LRP5: variants seen among roughly 807,000 people sequenced by gnomAD.
LRP5 encodes the protein LDL receptor related protein 5.
Under a neutral mutation model 154.1 loss-of-function variants are expected in LRP5, and 62 were observed. The observed-to-expected ratio is 0.40, with a 90% CI of 0.33 to 0.50. LRP5 has a LOEUF of 0.50. Ranked by LOEUF, LRP5 falls within the 20% of genes least tolerant of loss-of-function variation. The pLI is 0.55. For synonymous variants in LRP5, 966 were observed against 1,011.5 expected, an observed-to-expected ratio of 0.96 and a Z score of 0.85; for missense variants, 1,915 against 2,336.7, an observed-to-expected ratio of 0.82 and a Z score of 3.72.
rs370967755 is a variant in LRP5 at position 68,386,003 on chromosome 11, C to T, written c.1016-313C>T. 2.1e-4 allele frequency among the ~76,000 whole-genome samples: 32 copies of T among 152,240 alleles called. No homozygotes were observed. Among genetic ancestry groups the T allele is most frequent in the African/African-American group, 7.5e-4 (31 of 41,550 alleles). On this transcript the variant is annotated intron_variant, in intron 5 of 22. Transcript: ENST00000294304. The surrounding 1 kb of genome is among the most constrained non-coding windows in gnomAD (Gnocchi z 7.9). ...GCAGGAGACAAGGGGGACTGTGAGG[C>T]AGCTCCCACCCAGCAGCTGAAGCCC...
rs370901051 is a variant in LRP5, at chr11:68,386,610, C to T, written c.1310C>T (p.Thr437Met). The stretch of plus-strand genomic sequence containing the variant: ...AACCTCTACTGGACCGACACGGGCA[C>T]GGACCGCATCGAGGTGACGCGCCTC... ...ARNLYWTDTGTDRIEVTRLNG... is the reference protein window; with the variant it reads ...ARNLYWTDTGMDRIEVTRLNG... The change falls in exon 6 of 23, where the codon ACG (threonine) becomes ATG (methionine). Residue 437 changes from threonine to methionine, a missense_variant. Around this residue, in one of 3 missense-constraint regions of LRP5, gnomAD observed 773 missense variants for 1,100.9 expected, o/e 0.70. Coordinates refer to ENST00000294304, the MANE Select transcript of LRP5 (RefSeq NM_002335.4). The surrounding 1 kb of genome is among the most constrained non-coding windows in gnomAD (Gnocchi z 7.9). 64 of 1,613,688 alleles carry T rather than the reference C, an allele frequency of 4.0e-5. No individual in the cohort carries two copies. Among genetic ancestry groups the T allele is most frequent in the South Asian group, 1.1e-4 (10 of 91,060 alleles).
intron 5 of LRP5, among the ~76,000 whole-genome samples, chr11:68,366,424 A>G (rs1319753739): frequency 6.6e-6 from 1 of 151,986 alleles, no homozygotes; most frequent in Non-Finnish European, 1.5e-5. Flanking sequence ...CGGTGGATGG[A>G]GAAGTGTCCT....
intron 18 of LRP5, 48 bp downstream of exon 18, chr11:68,433,886 C>A: frequency 6.4e-7 from 1 of 1,566,924 alleles, no homozygotes; most frequent in South Asian, 1.1e-5. Context: ...GCCCTGCCCT[C>A]CGGGATACGA....
At chr11:68,415,321 G>A (rs956740853) in intron 12 of LRP5, among the ~76,000 whole-genome samples, 4 of 152,144 alleles carry the variant, frequency 2.6e-5, no homozygotes, top group Non-Finnish European at 5.9e-5. Context: ...CCGGTTTTCC[G>A]CAGTTCACTG....
Position 68,315,799 on chromosome 11 carries a change from C to G in LRP5, c.91+2994C>G, listed in dbSNP as rs576607901. On this transcript the variant is annotated intron_variant, in intron 1 of 22. Transcript: ENST00000294304. Reference sequence around the variant, plus strand: ...CCCTCGGGGTGTCCTGCGAGAGGCCCTTAGAGGCCAGATCATGCTGTGGAG... The same window carrying G: ...CCCTCGGGGTGTCCTGCGAGAGGCCGTTAGAGGCCAGATCATGCTGTGGAG... Among the ~76,000 whole-genome samples the G allele has an allele frequency of 1.1e-4, 17 of 152,332 alleles. No homozygotes were observed. The East Asian group carries it at 3.1e-3, about 28-fold the overall frequency.
chr11:68,372,299 T>A (rs2098634481), intron 5 of LRP5, among the ~76,000 whole-genome samples: 1 of 133,818 alleles, frequency 7.5e-6, no homozygotes, highest in Non-Finnish European at 1.5e-5. Context: ...CCCGGGACTG[T>A]GGTGATGAGG....
chr11:68,425,393 C>G, intron 15 of LRP5, 101 bp downstream of exon 15: 4 of 1,239,796 alleles, frequency 3.2e-6, no homozygotes, highest in Non-Finnish European at 4.5e-6. Context: ...GAGCCCAGTG[C>G]CGCGCCAGGG....
chr11:68,318,577 G>A (rs1247293250), intron 1 of LRP5, among the ~76,000 whole-genome samples: 5 of 151,594 alleles, frequency 3.3e-5, no homozygotes, highest in Non-Finnish European at 7.4e-5. Flanking sequence ...GGGCTCAAGC[G>A]ATCCACCCAC....
chr11:68,383,836 G>A (rs1305580091), intron 5 of LRP5, among the ~76,000 whole-genome samples: 7 of 152,182 alleles, frequency 4.6e-5, no homozygotes, highest in South Asian at 2.1e-4. Flanking sequence ...AGGAGGTGGC[G>A]GTGCTGTGTG....
At position 68,446,641 on chromosome 11, in the gene LRP5, G is replaced by A. The variant is rs1025040260; in HGVS notation, c.4586+108G>A. On this transcript the variant is annotated intron_variant, in intron 22 of 22. Transcript: ENST00000294304. The stretch of plus-strand genomic sequence containing the variant: ...GAGGGGAGGTATTCTGGGTGCTAGT[G>A]GGCAGGTGCCGGGCCCAGCCCTGCC... The A allele has an allele frequency of 1.2e-5, 12 of 1,022,566 alleles. No individual in the cohort carries two copies. The South Asian group carries it at 1.6e-4, about 13-fold the overall frequency. The allele number at this position is 1,022,566 out of a possible 1,614,324, so 63.3% of individuals were successfully genotyped here. A position where few individuals can be genotyped will look rare whatever the true frequency, so the allele number is the denominator to read the frequency against.
At chr11:68,403,769 T>C in intron 8 of LRP5, 70 bp downstream of exon 8, 1 of 1,584,048 alleles carries the variant, frequency 6.3e-7, no homozygotes, top group Non-Finnish European at 8.6e-7. Context: ...GACGGGTCCA[T>C]GCCTGGGCAT....
Position 68,429,706 on chromosome 11 carries a change from T to G in LRP5, c.3763+6T>G. 6.2e-7 allele frequency: 1 copy of G among 1,614,080 alleles called. No individual in the cohort carries two copies. Among genetic ancestry groups the G allele is most frequent in the African/African-American group, 1.3e-5 (1 of 75,060 alleles). ...GAACCTGCTGACCTGTGGAGGTAGGTGTGACCTAGGTGCTCCTTTGGGGTG... is the reference window on the plus strand; with the variant it reads ...GAACCTGCTGACCTGTGGAGGTAGGGGTGACCTAGGTGCTCCTTTGGGGTG... On this transcript the variant is annotated splice_donor_region_variant and intron_variant, in intron 17 of 22. Coordinates refer to ENST00000294304, the MANE Select transcript of LRP5 (RefSeq NM_002335.4).
At chr11:68,356,034 C>T (rs1390160262) in intron 2 of LRP5, among the ~76,000 whole-genome samples, 4 of 149,420 alleles carry the variant, frequency 2.7e-5, no homozygotes, top group Non-Finnish European at 5.9e-5. Context: ...TTAGTAGAGA[C>T]GGGGTTTCAC....
chr11:68,384,789 C>G (rs1449105711), intron 5 of LRP5, among the ~76,000 whole-genome samples: 1 of 152,150 alleles, frequency 6.6e-6, no homozygotes, highest in East Asian at 1.9e-4. Context: ...CCCCACCCCC[C>G]AAACTGAAGC....
At chr11:68,341,059 C>CTGTTTTTTTTTTTTTT (rs2098608749) in intron 1 of LRP5, among the ~76,000 whole-genome samples, 1 of 83,496 alleles carries the variant, frequency 1.2e-5, no homozygotes, top group African/African-American at 4.8e-5. Flanking sequence ...GGAGATTGTT[C>CTGTTTTTTTTTTTTTT]TTTTTTTTTT....
intron 5 of LRP5, among the ~76,000 whole-genome samples, chr11:68,370,338 C>T (rs2098633345): frequency 6.6e-6 from 1 of 152,046 alleles, no homozygotes; most frequent in Non-Finnish European, 1.5e-5. Context: ...CCTCAGGGCT[C>T]ATTTTCCTGC....
chr11:68,406,907 A>G (rs2098656031), intron 9 of LRP5, 94 bp downstream of exon 9: 3 of 1,268,048 alleles, frequency 2.4e-6, no homozygotes, highest in Non-Finnish European at 3.4e-6. Flanking sequence ...TTCTTAAAGC[A>G]CTATCGTATT....
intron 9 of LRP5, among the ~76,000 whole-genome samples, chr11:68,409,051 G>GAAAAAA (rs57069059): frequency 1.9e-5 from 1 of 51,426 alleles, no homozygotes; most frequent in African/African-American, 9.1e-5. Flanking sequence ...CTTATCTGGG[G>GAAAAAA]AAAAAAAAAA....
chr11:68,341,455 A>G (rs1482542980), intron 1 of LRP5, among the ~76,000 whole-genome samples: 2 of 151,726 alleles, frequency 1.3e-5, no homozygotes, highest in Admixed American at 6.6e-5. Context: ...CCTCCTTCTC[A>G]AATTACGCTG....
Sources: gnomAD v4.1 joint callset for allele counts (sites outside exome capture counted in the v4.1 genomes callset) on GRCh38, gnomAD v4.1.1 for gene constraint, gnomAD v4.1.1 regional missense constraint, Gnocchi (gnomAD v3.1) non-coding constraint, MANE v1.5 for transcripts, NCBI Gene and HGNC (gene_info 2026-07-23, HGNC 2026-07-21) for gene names.